The following STX2 variants were observed in gnomAD, a reference collection of about 807,000 sequenced individuals.
STX2 encodes the protein syntaxin-2.
STX2 carries 27 observed loss-of-function variants against 40.6 expected under a neutral mutation model. The ratio of observed to expected loss-of-function variants is 0.66; its 90% confidence interval spans 0.49 to 0.92. STX2 has a LOEUF of 0.92. STX2 is among the 40% of genes least tolerant of loss of function. The pLI, the probability that STX2 is intolerant of heterozygous loss-of-function variation, is 0.00. For synonymous variants in STX2, 123 were observed against 119.1 expected (o/e 1.03, Z -0.22); for missense variants, 328 against 366.1 (o/e 0.90, Z 0.85).
intron 2 of STX2, among the ~76,000 whole-genome samples, chr12:130,825,268 C>T (rs1051825421): frequency 2.6e-5 from 4 of 152,146 alleles, no homozygotes. Flanking sequence ...AACTCCTGAC[C>T]TCAGGTGATC....
At chr12:130,796,146 T>C in intron 9 of STX2, 26 bp from the exon 10 acceptor site, 1 of 1,613,368 alleles carries the variant, frequency 6.2e-7, no homozygotes, top group Non-Finnish European at 8.5e-7. Context: ...AAGCTGATTA[T>C]ATCATGCATG....
intron 6 of STX2, 101 bp from the exon 7 acceptor site, chr12:130,801,589 A>C: frequency 1.6e-6 from 2 of 1,257,730 alleles, no homozygotes; most frequent in African/African-American, 3.0e-5. Flanking sequence ...AGTTGTTAGC[A>C]TTTTTCAGTA....
At chr12:130,818,861 G>A (rs889268441) in intron 3 of STX2, among the ~76,000 whole-genome samples, 3 of 152,156 alleles carry the variant, frequency 2.0e-5, no homozygotes, top group African/African-American at 7.2e-5. Context: ...CCTGCAGGGG[G>A]AATCCCAGCC....
chr12:130,803,622 A>T (rs1951309587), intron 6 of STX2, among the ~76,000 whole-genome samples: 1 of 146,952 alleles, frequency 6.8e-6, no homozygotes, highest in Non-Finnish European at 1.5e-5. Context: ...AGTGGTTATC[A>T]CAACACTGCA....
At chr12:130,812,335 G>T (rs7961690) in intron 4 of STX2, 147,219 of 450,664 alleles carry the variant, frequency 0.33, 25,241 homozygotes, top group African/African-American at 0.4. Flanking sequence ...TGCCTGGGAT[G>T]GGCTTCAGAA....
At chr12:130,814,565 C>G (rs946659267) in intron 3 of STX2, among the ~76,000 whole-genome samples, 2 of 150,412 alleles carry the variant, frequency 1.3e-5, no homozygotes, top group African/African-American at 4.9e-5. Flanking sequence ...TTACTGAGGG[C>G]ACCAGTCAGC....
At chr12:130,821,812 C>A in intron 2 of STX2, 24 bp from the exon 3 acceptor site, 1 of 1,504,210 alleles carries the variant, frequency 6.6e-7, no homozygotes, top group South Asian at 1.2e-5. Context: ...AGAGTCATTA[C>A]AGCATGGCAA....
intron 10 of STX2, among the ~76,000 whole-genome samples, chr12:130,794,408 T>C (rs1205750320): frequency 6.6e-6 from 1 of 152,136 alleles, no homozygotes; most frequent in African/African-American, 2.4e-5. Context: ...CAGGTGTAAT[T>C]TTGTGGCTTT....
Position 130,796,787 on chromosome 12 carries a change from A to G in STX2, c.787-667T>C, listed in dbSNP as rs531847597. 9.2e-5 allele frequency among the ~76,000 whole-genome samples: 14 copies of G among 152,246 alleles called. No individual in the cohort carries two copies. In the South Asian group the frequency reaches 1.4e-3, roughly 16 times the overall value. ...CCCACTGCCTCGTCATGAAGCCCCG[A>G]CACACTCAGTACTTGGCCTTTCGCT... On this transcript the variant is annotated intron_variant, in intron 9 of 10. Coordinates refer to ENST00000392373, the MANE Select transcript of STX2 (RefSeq NM_194356.4).
At chr12:130,795,835 G>A (rs781681313) in intron 10 of STX2, among the ~76,000 whole-genome samples, 160 bp downstream of exon 10, 1 of 152,226 alleles carries the variant, frequency 6.6e-6, no homozygotes. Context: ...CAGTGGCTGG[G>A]CACTCGAATC....
At position 130,790,045 on chromosome 12, in the gene STX2, G is replaced by A. The variant is rs8579; in HGVS notation, c.*1978C>T. ...CCTGTGGACATGATTCCACAGAGGCGTGGAGTCCTTTTGCCACCAGCATGA... is the reference window on the plus strand; with the variant it reads ...CCTGTGGACATGATTCCACAGAGGCATGGAGTCCTTTTGCCACCAGCATGA... On this transcript the variant is annotated 3_prime_UTR_variant, in exon 11 of 11. Transcript: ENST00000392373. 71,220 of 152,104 alleles carry A rather than the reference G, an allele frequency of 0.47. 19,771 individuals are homozygous for A. Among genetic ancestry groups the A allele is most frequent in the East Asian group, 0.88 (4,532 of 5,174 alleles). 9.4% of individuals were successfully genotyped at this position (152,104 alleles called of 1,614,324 possible).
intron 5 of STX2, among the ~76,000 whole-genome samples, 159 bp from the exon 6 acceptor site, chr12:130,807,249 G>C (rs1432365012): frequency 6.6e-6 from 1 of 152,234 alleles, no homozygotes; most frequent in South Asian, 2.1e-4. Flanking sequence ...TCTGTGCTAA[G>C]AACTTTGCAT....
At chr12:130,807,267 C>T (rs1951471435) in intron 5 of STX2, among the ~76,000 whole-genome samples, 177 bp from the exon 6 acceptor site, 1 of 152,036 alleles carries the variant, frequency 6.6e-6, no homozygotes, top group African/African-American at 2.4e-5. Flanking sequence ...CATGCATGAT[C>T]TTACCTAATT....
intron 10 of STX2, 144 bp from the exon 11 acceptor site, chr12:130,792,121 T>C (rs1198715491): frequency 3.6e-6 from 2 of 549,160 alleles, no homozygotes; most frequent in Non-Finnish European, 6.3e-6. Flanking sequence ...TAGAAAAGAA[T>C]GTGATCTTGG....
intron 3 of STX2, among the ~76,000 whole-genome samples, chr12:130,818,185 A>AATATATATATATATATATATATATATAT (rs1168152790): frequency 5.7e-5 from 4 of 70,584 alleles, no homozygotes; most frequent in African/African-American, 1.2e-4. Flanking sequence ...AAAAAAAAAA[A>AATATATATATATATATATATATATATAT]ATATATATAT....
At chr12:130,826,846 C>CAAAA (rs34678057) in intron 2 of STX2, among the ~76,000 whole-genome samples, 1 of 143,624 alleles carries the variant, frequency 7.0e-6, no homozygotes, top group African/African-American at 2.6e-5. Flanking sequence ...ACTAAAAGTG[C>CAAAA]AAAAAAAAAA....
chr12:130,801,633 A>T, intron 6 of STX2, 145 bp from the exon 7 acceptor site: 1 of 782,188 alleles, frequency 1.3e-6, no homozygotes. Flanking sequence ...AGATATTGAC[A>T]ATGAGAAGTG....
intron 6 of STX2, among the ~76,000 whole-genome samples, chr12:130,802,590 T>C (rs1227231612): frequency 6.6e-6 from 1 of 152,174 alleles, no homozygotes; most frequent in Non-Finnish European, 1.5e-5. Context: ...TTTGACCTCC[T>C]AGGCTCAAGC....
chr12:130,822,658 T>C (rs186307921), intron 2 of STX2, among the ~76,000 whole-genome samples: 2 of 152,288 alleles, frequency 1.3e-5, no homozygotes, highest in East Asian at 3.9e-4. Context: ...TCCCTGGGCC[T>C]GGGAGTTACC....
Sources: gnomAD v4.1 joint callset for allele counts (sites outside exome capture counted in the v4.1 genomes callset) on GRCh38, gnomAD v4.1.1 for gene constraint, MANE v1.5 for transcripts, NCBI Gene and HGNC (gene_info 2026-07-23, HGNC 2026-07-21) for gene names.